VPS37A: variants seen among roughly 807,000 people sequenced by gnomAD.
VPS37A encodes vacuolar protein sorting-associated protein 37A.
VPS37A carries 30 observed loss-of-function variants against 49.8 expected under a neutral mutation model. The ratio of observed to expected loss-of-function variants is 0.60; its 90% CI spans 0.45 to 0.82. The LOEUF (loss-of-function observed/expected upper bound fraction) is 0.82, where lower values mean the gene tolerates loss of function less well. Ranked by LOEUF, VPS37A falls within the 40% of genes least tolerant of loss-of-function variation. The probability of loss-of-function intolerance (pLI) is 0.00; values close to 1 mark genes in which losing one functional copy is unlikely to be tolerated. For missense variants in VPS37A, 593 were observed against 464.4 expected, an observed-to-expected ratio of 1.28 and a Z score of -2.55; for synonymous variants, 195 against 160.6, an observed-to-expected ratio of 1.21 and a Z score of -1.62.
Position 17,286,439 on chromosome 8 carries a change from T to C in VPS37A, c.*12T>C, listed in dbSNP as rs754813773. On this transcript the variant is annotated intron_variant, in intron 11 of 11. Transcript: ENST00000324849. ...ATGCTCCACTATAGGTAAATTGTAT[T>C]TCAAGTTTGAGTCTCAAGGTGATTG... is the stretch of plus-strand genomic sequence containing the variant. 6.2e-7 allele frequency: 1 copy of C among 1,611,014 alleles called. No individual in the cohort carries two copies. The highest frequency in any genetic ancestry group is 8.5e-7 in the Non-Finnish European group (1 of 1,178,338).
chr8:17,251,928 A>G (rs1056139542), intron 1 of VPS37A, among the ~76,000 whole-genome samples: 1 of 152,148 alleles, frequency 6.6e-6, no homozygotes, highest in Non-Finnish European at 1.5e-5. Context: ...GATCACAGCT[A>G]TAAGACTTTG....
At chr8:17,303,925 A>G (rs1030590985), downstream of VPS37A, among the ~76,000 whole-genome samples, 16 of 152,240 alleles carry the variant, frequency 1.1e-4, no homozygotes, top group African/African-American at 3.9e-4. Context: ...GACTTAATTC[A>G]GTGGAGACAA....
intron 10 of VPS37A, among the ~76,000 whole-genome samples, chr8:17,286,017 T>C (rs1322570636): frequency 6.6e-6 from 1 of 152,144 alleles, no homozygotes; most frequent in African/African-American, 2.4e-5. Context: ...TGTCATGTGA[T>C]CCTCTGCCCA....
chr8:17,258,274 A>C (rs1563243888), intron 1 of VPS37A, among the ~76,000 whole-genome samples: 1 of 152,172 alleles, frequency 6.6e-6, no homozygotes, highest in Non-Finnish European at 1.5e-5. Flanking sequence ...CTATAATGTC[A>C]ACTGTGGTTT....
At position 17,276,422 on chromosome 8, in the gene VPS37A, A is replaced by G. The variant is rs763952093; in HGVS notation, c.668A>G (p.Lys223Arg). Residue 223 changes from lysine (K) to arginine (R), a missense_variant, in exon 6 of 12, where the codon AAG becomes AGG. Coordinates refer to ENST00000324849, the MANE Select transcript of VPS37A (RefSeq NM_152415.3). ...ACAAGCCAAAATGGTTTTGGGTACA[A>G]GATGCCAGATGTCCCTGATGCATTT... Reference protein sequence around the residue: ...IPTSQNGFGYKMPDVPDAFPE... With the variant: ...IPTSQNGFGYRMPDVPDAFPE... 6.8e-6 allele frequency: 11 copies of G among 1,612,438 alleles called. No homozygotes were observed. In the South Asian group the frequency reaches 9.9e-5, roughly 15 times the overall value.
chr8:17,302,269 C>G (rs1309661359), downstream of VPS37A: 8 of 1,613,120 alleles, frequency 5.0e-6, no homozygotes, highest in Non-Finnish European at 5.9e-6. Flanking sequence ...GTTATACATT[C>G]CACTCCAAAA....
the VPS37A span, among the ~76,000 whole-genome samples, chr8:17,318,049 A>G: frequency 6.6e-6 from 1 of 152,052 alleles, no homozygotes; most frequent in Admixed American, 6.6e-5. Flanking sequence ...GAGACTCCCT[A>G]CATCAAACTG....
chr8:17,299,965 A>C, downstream of VPS37A: 1 of 1,613,892 alleles, frequency 6.2e-7, no homozygotes, highest in Non-Finnish European at 8.5e-7. Context: ...CAAATCCTCC[A>C]CCCCGGACTC....
the VPS37A span, among the ~76,000 whole-genome samples, chr8:17,313,771 GA>G: frequency 6.6e-6 from 1 of 152,008 alleles, no homozygotes; most frequent in African/African-American, 2.4e-5. Context: ...GTGCTATGAG[GA>G]AAAAAATCAT....
chr8:17,304,325 G>T (rs1554504462), downstream of VPS37A: 3 of 1,583,012 alleles, frequency 1.9e-6, no homozygotes, highest in Non-Finnish European at 8.7e-7. Context: ...ATGTTAAACG[G>T]TACCAGAATC....
At chr8:17,253,685 A>G (rs1021966272) in intron 1 of VPS37A, among the ~76,000 whole-genome samples, 1 of 152,196 alleles carries the variant, frequency 6.6e-6, no homozygotes, top group Non-Finnish European at 1.5e-5. Flanking sequence ...AGAAGACCCC[A>G]CTGCCGCTAG....
At chr8:17,263,471 A>G (rs1446811158) in intron 1 of VPS37A, among the ~76,000 whole-genome samples, 1 of 152,168 alleles carries the variant, frequency 6.6e-6, no homozygotes, top group Non-Finnish European at 1.5e-5. Flanking sequence ...GCTCTCATTA[A>G]TATTATAAGT....
At chr8:17,283,006 A>G (rs900055574) in intron 9 of VPS37A, among the ~76,000 whole-genome samples, 1 of 152,186 alleles carries the variant, frequency 6.6e-6, no homozygotes, top group African/African-American at 2.4e-5. Context: ...AATATGTTCA[A>G]CTTTACTGTA....
At chr8:17,323,136 T>C in the VPS37A span, among the ~76,000 whole-genome samples, 1 of 151,532 alleles carries the variant, frequency 6.6e-6, no homozygotes, top group Non-Finnish European at 1.5e-5. Context: ...TCAGTAGAGA[T>C]GGGGTTTCAC....
intron 1 of VPS37A, among the ~76,000 whole-genome samples, chr8:17,263,027 C>G (rs745762444): frequency 6.7e-5 from 10 of 148,768 alleles, no homozygotes; most frequent in Non-Finnish European, 1.3e-4. Flanking sequence ...CGCCATTGCA[C>G]TCCAGCCTGA....
At chr8:17,294,345 C>G (rs763123742) in intron 11 of VPS37A, among the ~76,000 whole-genome samples, 1 of 152,218 alleles carries the variant, frequency 6.6e-6, no homozygotes, top group Non-Finnish European at 1.5e-5. Flanking sequence ...GACTGCTATG[C>G]TGGCGGTGAA....
downstream of VPS37A, among the ~76,000 whole-genome samples, chr8:17,306,748 G>A (rs1017234735): frequency 7.2e-5 from 11 of 152,218 alleles, no homozygotes; most frequent in Non-Finnish European, 1.0e-4. Context: ...CCCAAGAGTG[G>A]GAACATTGGA....
At chr8:17,310,190 G>A in the VPS37A span, among the ~76,000 whole-genome samples, 1 of 151,672 alleles carries the variant, frequency 6.6e-6, no homozygotes, top group East Asian at 1.9e-4. Context: ...TTATAGAGAC[G>A]AGGTCTCGCC....
At chr8:17,321,645 C>A in the VPS37A span, among the ~76,000 whole-genome samples, 1 of 152,170 alleles carries the variant, frequency 6.6e-6, no homozygotes, top group African/African-American at 2.4e-5. Flanking sequence ...CAGGATAAGG[C>A]AGAAATACTT....
Sources: allele counts gnomAD v4.1 joint callset (sites outside exome capture counted in the v4.1 genomes callset), GRCh38; gene constraint gnomAD v4.1.1; transcripts MANE v1.5; gene names NCBI Gene and HGNC (gene_info 2026-07-23, HGNC 2026-07-21).